CHMP4C: variants seen among roughly 807,000 people sequenced by gnomAD.
CHMP4C encodes the protein charged multivesicular body protein 4C, also known as SNF7 homolog associated with Alix 3.
Under a neutral mutation model 29.0 loss-of-function variants are expected in CHMP4C, and 28 were observed. That is an observed-to-expected ratio of 0.97 (90% confidence interval 0.72 to 1.32). The LOEUF (loss-of-function observed/expected upper bound fraction) is 1.32. Ranked by LOEUF, CHMP4C falls within the 40% of genes most tolerant of loss-of-function variation. The pLI is 0.00. For missense variants in CHMP4C, 291 were observed against 281.0 expected (o/e 1.04, Z -0.25); for synonymous variants, 106 against 102.4 (o/e 1.04, Z -0.21).
intron 1 of CHMP4C, among the ~76,000 whole-genome samples, chr8:81,747,408 G>T (rs1808840347): frequency 6.6e-6 from 1 of 151,918 alleles, no homozygotes; most frequent in African/African-American, 2.4e-5. Context: ...ATATGTATAG[G>T]CACTGAACCA....
chr8:81,736,821 T>G (rs1037910414), intron 1 of CHMP4C, among the ~76,000 whole-genome samples: 1 of 152,232 alleles, frequency 6.6e-6, no homozygotes, highest in Admixed American at 6.5e-5. Flanking sequence ...AGTGTATGTT[T>G]GTTTAATAAT....
intron 1 of CHMP4C, among the ~76,000 whole-genome samples, chr8:81,747,084 T>C (rs1361488498): frequency 1.3e-5 from 2 of 152,196 alleles, no homozygotes; most frequent in Non-Finnish European, 2.9e-5. Flanking sequence ...TAGAGCATGA[T>C]GTTCTATTGT....
chr8:81,745,878 T>G (rs146671155), intron 1 of CHMP4C, among the ~76,000 whole-genome samples: 3 of 152,306 alleles, frequency 2.0e-5, no homozygotes, highest in Non-Finnish European at 4.4e-5. Flanking sequence ...TTTGGAAGAT[T>G]GAACTGCACC....
chr8:81,740,402 G>A (rs1254545480), intron 1 of CHMP4C, among the ~76,000 whole-genome samples: 5 of 152,248 alleles, frequency 3.3e-5, no homozygotes, highest in East Asian at 1.9e-4. Context: ...TAGGTTTCTC[G>A]CTCCTATGAG....
intron 1 of CHMP4C, among the ~76,000 whole-genome samples, chr8:81,740,988 C>T (rs1482719414): frequency 6.6e-6 from 1 of 152,158 alleles, no homozygotes; most frequent in African/African-American, 2.4e-5. Flanking sequence ...TGGTATTTTT[C>T]ATAGCTATGA....
chr8:81,752,983 T>C, intron 1 of CHMP4C, 81 bp from the exon 2 acceptor site: 2 of 1,225,664 alleles, frequency 1.6e-6, no homozygotes, highest in Admixed American at 2.3e-5. Flanking sequence ...AAGGTCTAAG[T>C]CCATAGTGGT....
At chr8:81,755,280 T>C in intron 2 of CHMP4C, 90 bp from the exon 3 acceptor site, 1 of 563,832 alleles carries the variant, frequency 1.8e-6, no homozygotes, top group Non-Finnish European at 3.0e-6. Flanking sequence ...GAATTTATAT[T>C]AAATGAACTG....
intron 1 of CHMP4C, among the ~76,000 whole-genome samples, chr8:81,739,490 C>G: frequency 6.7e-6 from 1 of 150,014 alleles, no homozygotes; most frequent in African/African-American, 2.4e-5. Flanking sequence ...AGATCTTACT[C>G]TCCAGTCAAC....
chr8:81,736,357 C>G (rs112251903), intron 1 of CHMP4C, among the ~76,000 whole-genome samples: 2,751 of 151,748 alleles, frequency 0.018, 70 homozygotes, highest in African/African-American at 0.061. Flanking sequence ...GGTGAGGTCT[C>G]CCTATGTTGC....
chr8:81,756,603 A>G (rs1179189603), intron 3 of CHMP4C, among the ~76,000 whole-genome samples: 1 of 152,118 alleles, frequency 6.6e-6, no homozygotes, highest in African/African-American at 2.4e-5. Flanking sequence ...TATCTCCAAA[A>G]CATCTTAAGT....
intron 3 of CHMP4C, among the ~76,000 whole-genome samples, chr8:81,757,571 C>T (rs1808987900): frequency 6.6e-6 from 1 of 152,184 alleles, no homozygotes; most frequent in African/African-American, 2.4e-5. Context: ...AAACCAGGCT[C>T]TCTCGGACTA....
At chr8:81,737,952 C>A (rs1260564133) in intron 1 of CHMP4C, among the ~76,000 whole-genome samples, 3 of 152,178 alleles carry the variant, frequency 2.0e-5, no homozygotes, top group Non-Finnish European at 2.9e-5. Context: ...TGACAGCAAT[C>A]AATTCTTCAA....
At position 81,755,419 on chromosome 8, in the gene CHMP4C, G is replaced by T; in HGVS notation, c.418G>T (p.Asp140Tyr). The T allele has an allele frequency of 6.2e-7, 1 of 1,612,416 alleles. No individual in the cohort carries two copies. The highest frequency in any genetic ancestry group is 8.5e-7 in the Non-Finnish European group (1 of 1,178,798). ...DLMQEITEQQ[D>Y]IAQEISEAFS... ...GATGCAAGAGATCACAGAGCAACAG[G>T]ATATCGCCCAAGAAATCTCAGAAGC... is the stretch of plus-strand genomic sequence containing the variant. The change falls in exon 3 of 5, where the codon GAT (aspartate) becomes TAT (tyrosine). Residue 140 changes from aspartate to tyrosine, a missense_variant. Asp to Tyr is a radical substitution (Grantham distance 160). Transcript: ENST00000297265.
intron 1 of CHMP4C, among the ~76,000 whole-genome samples, chr8:81,736,896 G>A (rs1421673322): frequency 6.6e-6 from 1 of 152,176 alleles, no homozygotes; most frequent in African/African-American, 2.4e-5. Context: ...TAGTACAGGG[G>A]TAGCTACTTC....
chr8:81,742,828 T>G (rs1386277444), intron 1 of CHMP4C, among the ~76,000 whole-genome samples: 1 of 152,212 alleles, frequency 6.6e-6, no homozygotes, highest in Non-Finnish European at 1.5e-5. Flanking sequence ...AATTTGCAAG[T>G]ATTTCAAAGA....
Position 81,759,262 on chromosome 8 carries a change from G to A in CHMP4C, c.*718G>A, listed in dbSNP as rs1488073867. 12 of 152,582 alleles carry A rather than the reference G, an allele frequency of 7.9e-5. No individual in the cohort carries two copies. Among genetic ancestry groups the A allele is most frequent in the African/African-American group, 2.7e-4 (11 of 41,452 alleles). The allele number at this position is 152,582 out of a possible 1,614,324, so 9.5% of individuals were successfully genotyped here. A position where few individuals can be genotyped will look rare whatever the true frequency, so the allele number is the denominator to read the frequency against. On this transcript the variant is annotated 3_prime_UTR_variant, in exon 5 of 5. Transcript: ENST00000297265. ...TTAAGCTTGGAATGGGGCAATGGAT[G>A]CATTTCCCAAAACGTGTGAAAGCAC... is the stretch of plus-strand genomic sequence containing the variant.
chr8:81,744,021 T>G (rs543820125), intron 1 of CHMP4C, among the ~76,000 whole-genome samples: 94 of 152,336 alleles, frequency 6.2e-4, no homozygotes, highest in African/African-American at 2.2e-3. Flanking sequence ...GAATATCTCT[T>G]ATTTACTTTC....
intron 1 of CHMP4C, among the ~76,000 whole-genome samples, chr8:81,742,021 A>G (rs768186291): frequency 6.6e-6 from 1 of 152,202 alleles, no homozygotes. Flanking sequence ...ATTGGTGCTG[A>G]TAGGGAATTG....
intron 1 of CHMP4C, among the ~76,000 whole-genome samples, chr8:81,743,914 TA>T (rs1563619970): frequency 6.6e-6 from 1 of 152,238 alleles, no homozygotes; most frequent in African/African-American, 2.4e-5. Context: ...TCCTCTTTTA[TA>T]CTTTATAGTA....
Sources: gnomAD v4.1 joint callset for allele counts (sites outside exome capture counted in the v4.1 genomes callset) on GRCh38, gnomAD v4.1.1 for gene constraint, MANE v1.5 for transcripts, NCBI Gene and HGNC (gene_info 2026-07-23, HGNC 2026-07-21) for gene names.